LPP: variants seen among roughly 807,000 people sequenced by gnomAD.
LPP encodes the protein LIM domain containing preferred translocation partner in lipoma.
Under a neutral mutation model 60.4 loss-of-function variants are expected in LPP, and 38 were observed. That is an observed-to-expected ratio of 0.63 (90% confidence interval 0.49 to 0.83). LPP has a LOEUF of 0.83. Ranked by LOEUF, LPP falls within the 40% of genes least tolerant of loss-of-function variation. LPP has a pLI of 0.00. For missense variants in LPP, 902 were observed against 783.6 expected, an observed-to-expected ratio of 1.15 and a Z score of -1.80; for synonymous variants, 328 against 290.8, an observed-to-expected ratio of 1.13 and a Z score of -1.30.
chr3:188,452,364 G>A (rs1398154360), intron 4 of LPP, among the ~76,000 whole-genome samples: 1 of 152,104 alleles, frequency 6.6e-6, no homozygotes, highest in Non-Finnish European at 1.5e-5. Context: ...GCGGCTGACT[G>A]GCCCCCACCT....
At chr3:188,314,022 A>G (rs978226478) in intron 2 of LPP, among the ~76,000 whole-genome samples, 1 of 152,012 alleles carries the variant, frequency 6.6e-6, no homozygotes, top group Admixed American at 6.6e-5. Flanking sequence ...TTTTAGATAA[A>G]TTTTTTTTGA....
intron 6 of LPP, among the ~76,000 whole-genome samples, chr3:188,580,875 C>T (rs1835918823): frequency 6.6e-6 from 1 of 152,108 alleles, no homozygotes; most frequent in Admixed American, 6.5e-5. Context: ...AACTCCGTGG[C>T]ATGAGATGAA....
chr3:188,602,989 G>A (rs1841712379), intron 6 of LPP, among the ~76,000 whole-genome samples: 1 of 150,574 alleles, frequency 6.6e-6, no homozygotes, highest in Non-Finnish European at 1.5e-5. Context: ...CAGGTGACCT[G>A]CAGAAATTGT....
chr3:188,823,434 G>A lies in LPP; in HGVS notation c.1411-42766G>A, dbSNP rs16863627. On this transcript the variant is annotated intron_variant, in intron 9 of 11. Transcript: ENST00000617246. ...TAAAATGGAATTTGGATGGAAAGTT[G>A]GCATCCCAGTTCGGAACCAATTTTT... 1.2e-4 allele frequency among the ~76,000 whole-genome samples: 19 copies of A among 152,194 alleles called. No homozygotes were observed. The East Asian group carries it at 3.7e-3, about 29-fold the overall frequency.
At chr3:188,820,749 AT>A (rs1446288537) in intron 9 of LPP, among the ~76,000 whole-genome samples, 1 of 152,174 alleles carries the variant, frequency 6.6e-6, no homozygotes, top group Non-Finnish European at 1.5e-5. Context: ...AATCCTTTTT[AT>A]TGTAAATAAA....
intron 2 of LPP, among the ~76,000 whole-genome samples, chr3:188,266,415 T>A (rs1577691281): frequency 6.6e-6 from 1 of 151,934 alleles, no homozygotes; most frequent in East Asian, 1.9e-4. Flanking sequence ...GACTGTCGCT[T>A]CCCTTGGATA....
chr3:188,849,604 T>C (rs925358897), intron 9 of LPP, among the ~76,000 whole-genome samples: 1 of 152,230 alleles, frequency 6.6e-6, no homozygotes, highest in Non-Finnish European at 1.5e-5. Flanking sequence ...TCCCTTGATA[T>C]ATAGATAGGA....
At chr3:188,205,032 T>G (rs1011129192) in intron 1 of LPP, among the ~76,000 whole-genome samples, 28 of 152,178 alleles carry the variant, frequency 1.8e-4, no homozygotes, top group Non-Finnish European at 4.1e-4. Context: ...TTGGGCACCT[T>G]TTTTGCCCTG....
intron 7 of LPP, among the ~76,000 whole-genome samples, chr3:188,627,453 C>G (rs1409033124): frequency 6.6e-6 from 1 of 152,044 alleles, no homozygotes; most frequent in Non-Finnish European, 1.5e-5. Flanking sequence ...GGAGAAAGCT[C>G]TATCAAGCAA....
intron 7 of LPP, among the ~76,000 whole-genome samples, chr3:188,686,549 C>T (rs574839964): frequency 3.9e-5 from 6 of 152,336 alleles, no homozygotes; most frequent in South Asian, 2.1e-4. Context: ...TCTTATCTTA[C>T]GTTGCCCATC....
intron 9 of LPP, among the ~76,000 whole-genome samples, chr3:188,776,612 C>T (rs1218699889): frequency 6.6e-6 from 1 of 152,082 alleles, no homozygotes; most frequent in African/African-American, 2.4e-5. Flanking sequence ...GTTTTGAAGC[C>T]ACAAGAAAAC....
At chr3:188,790,136 A>G (rs951195097) in intron 9 of LPP, among the ~76,000 whole-genome samples, 7 of 152,212 alleles carry the variant, frequency 4.6e-5, no homozygotes, top group Non-Finnish European at 7.3e-5. Context: ...GATAGAATAA[A>G]AGGACTAGTA....
At chr3:188,525,795 C>A (rs1820426537) in intron 6 of LPP, among the ~76,000 whole-genome samples, 1 of 152,210 alleles carries the variant, frequency 6.6e-6, no homozygotes, top group Non-Finnish European at 1.5e-5. Flanking sequence ...ATCAGTTTCT[C>A]CTCAAGTTCA....
At chr3:188,564,247 C>T (rs546673728) in intron 6 of LPP, among the ~76,000 whole-genome samples, 13 of 152,022 alleles carry the variant, frequency 8.6e-5, no homozygotes, top group East Asian at 5.8e-4. Flanking sequence ...TTCCACCATT[C>T]GCAGCTGGTC....
At chr3:188,623,027 T>TAAAAA (rs747020083) in intron 7 of LPP, among the ~76,000 whole-genome samples, 4 of 79,460 alleles carry the variant, frequency 5.0e-5, no homozygotes, top group Admixed American at 1.2e-4. Context: ...GACTCCATCT[T>TAAAAA]AAAAAAAAAA....
chr3:188,269,676 TGTG>T (rs1225000397), intron 2 of LPP, among the ~76,000 whole-genome samples: 4 of 151,492 alleles, frequency 2.6e-5, no homozygotes, highest in African/African-American at 7.3e-5. Context: ...TGTGTGTGTG[TGTG>T]TCACTCTGTC....
intron 9 of LPP, among the ~76,000 whole-genome samples, chr3:188,837,027 GTTGTTTTTCATAAATATGTAGCATTAC>G (rs1758616322): frequency 6.6e-6 from 1 of 152,124 alleles, no homozygotes. Context: ...TATTCACAAT[GTTGTTTTTCATAAATATGTAGCATTAC>G]TCTGTTTTGT....
chr3:188,698,562 G>A (rs1008452839), intron 7 of LPP, among the ~76,000 whole-genome samples: 2 of 151,316 alleles, frequency 1.3e-5, no homozygotes, highest in African/African-American at 4.9e-5. Flanking sequence ...AATGAGAACT[G>A]TGAATAAGGT....
intron 7 of LPP, among the ~76,000 whole-genome samples, chr3:188,631,498 A>G (rs1847844940): frequency 6.6e-6 from 1 of 152,200 alleles, no homozygotes; most frequent in South Asian, 2.1e-4. Context: ...TGTTCAGTGC[A>G]TTACTAAGCA....
Sources: allele counts gnomAD v4.1 joint callset (sites outside exome capture counted in the v4.1 genomes callset), GRCh38; gene constraint gnomAD v4.1.1; transcripts MANE v1.5; gene names NCBI Gene and HGNC (gene_info 2026-07-23, HGNC 2026-07-21).